CADPS2: variants seen among roughly 807,000 people sequenced by gnomAD.
CADPS2 encodes the protein calcium-dependent secretion activator 2.
A neutral mutation model predicts 172.5 loss-of-function variants in CADPS2; 93 were observed. The ratio of observed to expected loss-of-function variants is 0.54; its 90% CI spans 0.46 to 0.64. CADPS2 has a LOEUF of 0.64. Ranked by LOEUF, CADPS2 falls within the 30% of genes least tolerant of loss-of-function variation. CADPS2 has a pLI of 0.00. For missense variants in CADPS2, 1,420 were observed against 1,565.9 expected (o/e 0.91, Z 1.57); for synonymous variants, 546 against 555.2 (o/e 0.98, Z 0.23).
chr7:122,474,597 A>C, intron 12 of CADPS2, 80 bp from the exon 13 acceptor site: 1 of 1,335,218 alleles, frequency 7.5e-7, no homozygotes, highest in East Asian at 2.5e-5. Context: ...AGAATACAAA[A>C]TGCGTGACTC....
At chr7:122,876,450 C>T (rs1303104974) in intron 1 of CADPS2, among the ~76,000 whole-genome samples, 1 of 152,156 alleles carries the variant, frequency 6.6e-6, no homozygotes, top group Non-Finnish European at 1.5e-5. Context: ...TAGCCTTGAC[C>T]TCTTGGGCTC....
At chr7:122,679,932 G>C (rs1174551095) in intron 2 of CADPS2, among the ~76,000 whole-genome samples, 1 of 152,084 alleles carries the variant, frequency 6.6e-6, no homozygotes, top group African/African-American at 2.4e-5. Context: ...TTTTAGAGAG[G>C]GACTATTATC....
chr7:122,364,237 C>T (rs1291864877), intron 25 of CADPS2, among the ~76,000 whole-genome samples: 7 of 151,478 alleles, frequency 4.6e-5, no homozygotes, highest in African/African-American at 1.7e-4. Flanking sequence ...ATAGCAAGAT[C>T]CTGTCTCTAC....
intron 1 of CADPS2, among the ~76,000 whole-genome samples, chr7:122,788,263 T>A (rs544741537): frequency 5.3e-5 from 8 of 152,238 alleles, no homozygotes; most frequent in Non-Finnish European, 8.8e-5. Flanking sequence ...CCAGAAACTC[T>A]GCTGTTTGAA....
intron 1 of CADPS2, among the ~76,000 whole-genome samples, chr7:122,865,608 A>T (rs1328367407): frequency 6.6e-6 from 1 of 152,162 alleles, no homozygotes; most frequent in African/African-American, 2.4e-5. Flanking sequence ...AAGACTGATG[A>T]TCTTATGGGA....
In CADPS2 at chr7:122,669,546, C is replaced by T. The variant is rs376841262; in HGVS notation, c.454-5977G>A. ...AGTGATGTATTGAAAGGCATGAGCT[C>T]CAGAAGGAAATGGGCTTTCACATGA... On this transcript the variant is annotated intron_variant, in intron 2 of 29. Transcript: ENST00000449022. Among the ~76,000 whole-genome samples the T allele has an allele frequency of 2.5e-4, 38 of 151,624 alleles. No individual in the cohort carries two copies. In the South Asian group the frequency reaches 5.6e-3, roughly 23 times the overall value.
chr7:122,875,453 T>G (rs1820961513), intron 1 of CADPS2, among the ~76,000 whole-genome samples: 1 of 152,092 alleles, frequency 6.6e-6, no homozygotes, highest in African/African-American at 2.4e-5. Context: ...ATAAGATAAT[T>G]TAGTCAAAGA....
intron 1 of CADPS2, among the ~76,000 whole-genome samples, chr7:122,856,008 AG>A (rs1815084460): frequency 6.6e-6 from 1 of 152,196 alleles, no homozygotes; most frequent in African/African-American, 2.4e-5. Flanking sequence ...TCCATAAGAA[AG>A]TGTCTCTGTG....
chr7:122,805,669 G>C (rs947220095), intron 1 of CADPS2, among the ~76,000 whole-genome samples: 2 of 152,108 alleles, frequency 1.3e-5, no homozygotes. Context: ...AAGCAACCAG[G>C]TATCAGGAGA....
At chr7:122,494,334 A>T (rs2058561017) in intron 9 of CADPS2, among the ~76,000 whole-genome samples, 1 of 152,186 alleles carries the variant, frequency 6.6e-6, no homozygotes, top group Non-Finnish European at 1.5e-5. Flanking sequence ...GTACTCAAAG[A>T]TGTATATGCA....
Position 122,663,550 on chromosome 7 carries a change from C to T in CADPS2, c.473G>A (p.Arg158Gln), listed in dbSNP as rs368114197. 8.2e-6 allele frequency: 13 copies of T among 1,584,446 alleles called. No homozygotes were observed. In the South Asian group the frequency reaches 1.1e-4, roughly 14 times the overall value. ...TCCACTCTGTACCATTCTGGCCACT[C>T]GGTCACTCTTTAGAAAAACCTGAAA... ...SYYEVFLKSD[R>Q]VARMVQSGGC... Residue 158 changes from arginine to glutamine, a missense_variant, in exon 3 of 30, where the codon CGA becomes CAA. Transcript: ENST00000449022.
rs762346587 is a variant in CADPS2 at position 122,702,713 on chromosome 7, G to A, written c.453+34242C>T. 61 of 1,611,418 alleles carry A rather than the reference G, an allele frequency of 3.8e-5. 1 individual carries two copies. The South Asian group carries it at 6.5e-4, about 17-fold the overall frequency. On this transcript the variant is annotated intron_variant, in intron 2 of 29. Coordinates refer to ENST00000449022, the MANE Select transcript of CADPS2 (RefSeq NM_017954.11). ...AAGCCTCAAAAGTCCAGATGAAACA[G>A]AACTATGCGTCGAAGGGGTAATTCT...
chr7:122,756,714 T>C (rs567067601), intron 1 of CADPS2, among the ~76,000 whole-genome samples: 1 of 152,042 alleles, frequency 6.6e-6, no homozygotes, highest in African/African-American at 2.4e-5. Context: ...GCCTGACCAA[T>C]ATGGTGAAAC....
At chr7:122,815,532 G>A (rs1325091846) in intron 1 of CADPS2, among the ~76,000 whole-genome samples, 3 of 151,848 alleles carry the variant, frequency 2.0e-5, no homozygotes, top group South Asian at 4.1e-4. Flanking sequence ...CACTCAAGAA[G>A]GCAGACATGC....
At chr7:122,557,511 T>C (rs1230990116) in intron 7 of CADPS2, among the ~76,000 whole-genome samples, 2 of 152,066 alleles carry the variant, frequency 1.3e-5, no homozygotes, top group Non-Finnish European at 2.9e-5. Context: ...TCCGTTACTG[T>C]ATATTGGATT....
chr7:122,831,740 T>TA, intron 1 of CADPS2, among the ~76,000 whole-genome samples: 1 of 152,256 alleles, frequency 6.6e-6, no homozygotes, highest in East Asian at 1.9e-4. Context: ...CTGAGTGCTG[T>TA]AAGAGGGGAC....
chr7:122,409,235 G>A (rs2047019301), intron 19 of CADPS2, among the ~76,000 whole-genome samples: 1 of 152,202 alleles, frequency 6.6e-6, no homozygotes, highest in South Asian at 2.1e-4. Flanking sequence ...AGAAGAACCT[G>A]AGATTCTCAG....
At chr7:122,356,692 A>G (rs1020049469) in intron 27 of CADPS2, among the ~76,000 whole-genome samples, 1 of 152,110 alleles carries the variant, frequency 6.6e-6, no homozygotes. Flanking sequence ...ACCAATGGAT[A>G]TTTATTTTAT....
At chr7:122,473,717 T>C (rs1364067385) in intron 13 of CADPS2, among the ~76,000 whole-genome samples, 3 of 152,210 alleles carry the variant, frequency 2.0e-5, no homozygotes, top group South Asian at 2.1e-4. Context: ...TTATAAAGTT[T>C]AGTCCCCATA....
Sources: gnomAD v4.1 joint callset for allele counts (sites outside exome capture counted in the v4.1 genomes callset) on GRCh38, gnomAD v4.1.1 for gene constraint, MANE v1.5 for transcripts, NCBI Gene and HGNC (gene_info 2026-07-23, HGNC 2026-07-21) for gene names.